GRIK2: variants seen among roughly 807,000 people sequenced by gnomAD.
GRIK2 encodes the protein glutamate ionotropic receptor kainate type subunit 2, also known as glutamate receptor ionotropic, kainate 2.
Under a neutral mutation model 100.3 loss-of-function variants are expected in GRIK2, and 32 were observed. The observed-to-expected ratio is 0.32, with a 90% CI of 0.24 to 0.43. The LOEUF (loss-of-function observed/expected upper bound fraction) is 0.43, where lower values mean the gene tolerates loss of function less well. Ranked by LOEUF, GRIK2 falls within the 20% of genes least tolerant of loss-of-function variation. GRIK2 has a pLI of 1.00. For synonymous variants in GRIK2, 417 were observed against 389.4 expected (o/e 1.07, Z -0.83); for missense variants, 843 against 1,114.9 (o/e 0.76, Z 3.47).
chr6:101,652,538 C>T (rs1487201208), intron 4 of GRIK2, among the ~76,000 whole-genome samples: 1 of 152,072 alleles, frequency 6.6e-6, no homozygotes, highest in Non-Finnish European at 1.5e-5. Context: ...ATTATATATA[C>T]AGACAACAAT....
intron 7 of GRIK2, among the ~76,000 whole-genome samples, chr6:101,710,873 G>C (rs1199401013): frequency 1.3e-5 from 2 of 151,800 alleles, no homozygotes; most frequent in African/African-American, 2.4e-5. Context: ...TTCATATCTG[G>C]TTTATAAGCC....
intron 2 of GRIK2, 101 bp downstream of exon 2, chr6:101,399,493 G>T: frequency 2.7e-6 from 2 of 740,292 alleles, no homozygotes; most frequent in Non-Finnish European, 5.0e-6. Context: ...CGTGGATTCT[G>T]ATCTGCTCAC....
chr6:101,788,337 C>T (rs1425542530), intron 7 of GRIK2, among the ~76,000 whole-genome samples: 1 of 151,890 alleles, frequency 6.6e-6, no homozygotes, highest in Non-Finnish European at 1.5e-5. Context: ...TTAGGTATAT[C>T]TCCTAATGCT....
At chr6:101,929,723 T>C (rs1231006062) in intron 14 of GRIK2, among the ~76,000 whole-genome samples, 9 of 152,222 alleles carry the variant, frequency 5.9e-5, no homozygotes, top group East Asian at 5.8e-4. Flanking sequence ...AAATTAACTT[T>C]AAAATAAATT....
chr6:101,795,414 T>G (rs1468896744), intron 7 of GRIK2, among the ~76,000 whole-genome samples: 1 of 152,050 alleles, frequency 6.6e-6, no homozygotes, highest in Non-Finnish European at 1.5e-5. Flanking sequence ...TGAGGCCCAG[T>G]GGTGTTATCA....
At chr6:101,962,203 C>G (rs1792348925) in intron 14 of GRIK2, among the ~76,000 whole-genome samples, 1 of 152,066 alleles carries the variant, frequency 6.6e-6, no homozygotes, top group Non-Finnish European at 1.5e-5. Context: ...TGTGCCCCAG[C>G]TTTTTCCCAT....
At chr6:101,434,489 A>AT (rs200219115) in intron 2 of GRIK2, among the ~76,000 whole-genome samples, 8,132 of 147,862 alleles carry the variant, frequency 0.055, 378 homozygotes, top group South Asian at 0.11. Context: ...TAATTTGAAT[A>AT]TTTTTTTTTT....
At chr6:101,867,454 A>T (rs988868848) in intron 11 of GRIK2, among the ~76,000 whole-genome samples, 4 of 151,920 alleles carry the variant, frequency 2.6e-5, no homozygotes, top group African/African-American at 9.7e-5. Flanking sequence ...GGTTTCAGTG[A>T]CAAGGATATT....
At chr6:101,934,572 G>GTA (rs890334393) in intron 14 of GRIK2, among the ~76,000 whole-genome samples, 5 of 151,826 alleles carry the variant, frequency 3.3e-5, no homozygotes, top group Non-Finnish European at 5.9e-5. Flanking sequence ...AAGAATGTAA[G>GTA]TAACTTTTCC....
intron 9 of GRIK2, among the ~76,000 whole-genome samples, chr6:101,809,840 G>T: frequency 6.6e-6 from 1 of 152,006 alleles, no homozygotes; most frequent in East Asian, 1.9e-4. Flanking sequence ...GAACTGTACC[G>T]ACATTTTTGT....
At chr6:101,557,728 ACTTT>A (rs1043844421) in intron 2 of GRIK2, among the ~76,000 whole-genome samples, 9 of 152,128 alleles carry the variant, frequency 5.9e-5, no homozygotes, top group Non-Finnish European at 1.0e-4. Context: ...CTACTGAGAT[ACTTT>A]CTTTCTTTTT....
At chr6:101,508,948 GATCGAGACC>G (rs1475107813) in intron 2 of GRIK2, among the ~76,000 whole-genome samples, 1 of 152,060 alleles carries the variant, frequency 6.6e-6, no homozygotes, top group East Asian at 1.9e-4. Flanking sequence ...GAGGGCAGGA[GATCGAGACC>G]ATCCTGGCTA....
chr6:101,746,061 C>T (rs1299368028), intron 7 of GRIK2, among the ~76,000 whole-genome samples: 1 of 152,158 alleles, frequency 6.6e-6, no homozygotes, highest in African/African-American at 2.4e-5. Flanking sequence ...AACTTTACTG[C>T]TTTCTCTGTT....
intron 4 of GRIK2, among the ~76,000 whole-genome samples, chr6:101,673,832 A>T (rs1770619139): frequency 6.6e-6 from 1 of 152,142 alleles, no homozygotes; most frequent in Admixed American, 6.6e-5. Context: ...TATGCACAGA[A>T]ACTTCATCTG....
chr6:102,006,390 A>ATATATATTTTTTTTTTT (rs1315524835), intron 14 of GRIK2, among the ~76,000 whole-genome samples: 12 of 114,096 alleles, frequency 1.1e-4, no homozygotes, highest in African/African-American at 5.0e-4. Context: ...ATATATATAT[A>ATATATATTTTTTTTTTT]TTTTTTTTTT....
intron 6 of GRIK2, among the ~76,000 whole-genome samples, chr6:101,684,757 G>A (rs1180752322): frequency 6.7e-6 from 1 of 148,704 alleles, no homozygotes; most frequent in African/African-American, 2.5e-5. Flanking sequence ...ATAAAGAGTA[G>A]ATAGTTATGT....
intron 16 of GRIK2, among the ~76,000 whole-genome samples, chr6:102,057,881 A>T (rs2114512508): frequency 6.6e-6 from 1 of 151,948 alleles, no homozygotes; most frequent in East Asian, 1.9e-4. Context: ...TATATTAGGC[A>T]CTTAAAATGA....
intron 14 of GRIK2, among the ~76,000 whole-genome samples, chr6:102,021,109 T>A (rs180954547): frequency 1.3e-5 from 2 of 151,856 alleles, no homozygotes; most frequent in Middle Eastern, 3.4e-3. Flanking sequence ...TTATGAAAAA[T>A]TTCACATTTT....
At chr6:101,718,855 T>A (rs1284150253) in intron 7 of GRIK2, among the ~76,000 whole-genome samples, 1 of 151,992 alleles carries the variant, frequency 6.6e-6, no homozygotes, top group Non-Finnish European at 1.5e-5. Context: ...TGACTTGGTA[T>A]CTTCATGCTC....
Sources: allele counts gnomAD v4.1 joint callset (sites outside exome capture counted in the v4.1 genomes callset), GRCh38; gene constraint gnomAD v4.1.1; transcripts MANE v1.5; gene names NCBI Gene and HGNC (gene_info 2026-07-23, HGNC 2026-07-21).